The following PLEKHM3 variants were observed in gnomAD, a reference collection of about 807,000 sequenced individuals.
The protein encoded by PLEKHM3 is pleckstrin homology domain containing M3.
In PLEKHM3, 45 loss-of-function variants were observed where a neutral mutation model predicts 81.8. The observed-to-expected ratio is 0.55, with a 90% CI of 0.43 to 0.71. The LOEUF is 0.71. Among genes scored for constraint, PLEKHM3 ranks in the 30% least tolerant of loss-of-function variants. PLEKHM3 has a pLI of 0.00. For missense variants in PLEKHM3, 788 were observed against 924.3 expected, an observed-to-expected ratio of 0.85 and a Z score of 1.91; for synonymous variants, 352 against 356.4, an observed-to-expected ratio of 0.99 and a Z score of 0.14.
intron 4 of PLEKHM3, among the ~76,000 whole-genome samples, chr2:207,940,992 A>T (rs904353027): frequency 1.3e-5 from 2 of 152,190 alleles, no homozygotes; most frequent in African/African-American, 2.4e-5. Context: ...GAAGTAGGAG[A>T]CAAGGTCATA....
intron 2 of PLEKHM3, among the ~76,000 whole-genome samples, chr2:207,999,266 A>G (rs1189759627): frequency 6.6e-6 from 1 of 150,786 alleles, no homozygotes; most frequent in Non-Finnish European, 1.5e-5. Flanking sequence ...ATGAGCCACC[A>G]TGCCCAGCCA....
chr2:208,020,274 T>C (rs988702897), intron 1 of PLEKHM3, among the ~76,000 whole-genome samples: 1 of 152,340 alleles, frequency 6.6e-6, no homozygotes, highest in Non-Finnish European at 1.5e-5. Flanking sequence ...AAATGTGGCA[T>C]ATAATTGAAG....
chr2:207,924,485 G>C (rs1454709675), intron 5 of PLEKHM3, among the ~76,000 whole-genome samples: 1 of 151,818 alleles, frequency 6.6e-6, no homozygotes, highest in Non-Finnish European at 1.5e-5. Flanking sequence ...AGGAGTTCAA[G>C]ACCAGCCTGG....
At chr2:207,948,402 C>T (rs910502361) in intron 3 of PLEKHM3, among the ~76,000 whole-genome samples, 1 of 129,822 alleles carries the variant, frequency 7.7e-6, no homozygotes, top group Non-Finnish European at 1.6e-5. Flanking sequence ...GTTGTCCAAG[C>T]TGGAGTGCAG....
chr2:208,001,022 A>G lies in PLEKHM3; in HGVS notation c.610+8T>C. The G allele has an allele frequency of 6.7e-7, 1 of 1,494,730 alleles. No homozygotes were observed. Among genetic ancestry groups the G allele is most frequent in the Non-Finnish European group, 8.9e-7 (1 of 1,124,346 alleles). The allele number at this position is 1,494,730 out of a possible 1,614,324, so 92.6% of individuals were successfully genotyped here. A position where few individuals can be genotyped will look rare whatever the true frequency, so the allele number is the denominator to read the frequency against. ...AAAAAAGGAAATAAATAAAATTTAA[A>G]AACATACCAGTATTTCCTTGAGCAT... On this transcript the variant is annotated splice_region_variant and intron_variant, in intron 2 of 7. Coordinates refer to ENST00000427836, the MANE Select transcript of PLEKHM3 (RefSeq NM_001080475.3).
In PLEKHM3 at chr2:208,012,981, G is replaced by T. The variant is rs541326017; in HGVS notation, c.-318-11024C>A. Among the ~76,000 whole-genome samples the T allele has an allele frequency of 6.6e-5, 10 of 152,292 alleles. No homozygotes were observed. The South Asian group carries it at 2.1e-3, about 32-fold the overall frequency. ...AAAACACAGCTCCTGCTCTTGAAGA[G>T]CTAAATAGCTAGTGGAAAGTAAGAC... On this transcript the variant is annotated intron_variant, in intron 1 of 7. Transcript: ENST00000427836.
chr2:207,954,886 AT>A (rs1690453177), intron 3 of PLEKHM3, among the ~76,000 whole-genome samples: 1 of 152,242 alleles, frequency 6.6e-6, no homozygotes, highest in Admixed American at 6.5e-5. Flanking sequence ...AAGATTATAA[AT>A]CGTGTGAAAT....
chr2:207,848,897 C>T (rs1173539472), intron 7 of PLEKHM3, among the ~76,000 whole-genome samples: 3 of 152,176 alleles, frequency 2.0e-5, no homozygotes. Context: ...TCATGGGAGG[C>T]TGCCTTTTTT....
chr2:207,930,874 G>C (rs1391063837), intron 5 of PLEKHM3, 52 bp downstream of exon 5: 1 of 1,588,564 alleles, frequency 6.3e-7, no homozygotes, highest in Non-Finnish European at 8.6e-7. Flanking sequence ...ACCACCCTCC[G>C]TGGGCGGGAA....
chr2:207,868,104 T>C (rs1051073328), intron 6 of PLEKHM3, among the ~76,000 whole-genome samples: 5 of 152,154 alleles, frequency 3.3e-5, no homozygotes, highest in Admixed American at 2.0e-4. Flanking sequence ...TGTGACTTGC[T>C]AGAGTGACCA....
chr2:207,861,179 G>A lies in PLEKHM3; in HGVS notation c.2034C>T (p.Ser678=). 1 of 1,614,100 alleles carries A rather than the reference G, an allele frequency of 6.2e-7. No homozygotes were observed. The highest frequency in any genetic ancestry group is 8.5e-7 in the Non-Finnish European group (1 of 1,179,984). ...TSHVYSCSLC[S]QKGFICEICN... ...AGATTTCACAGATGAACCCCTTCTGGCTACAAAGACTGCAGCTGTACACGT... is the reference window on the plus strand; with the variant it reads ...AGATTTCACAGATGAACCCCTTCTGACTACAAAGACTGCAGCTGTACACGT... Residue 678 remains serine (S), a synonymous_variant, in exon 7 of 8, where the codon AGC becomes AGT. Transcript: ENST00000427836.
chr2:207,841,810 T>C (rs528258965), intron 7 of PLEKHM3, among the ~76,000 whole-genome samples: 6 of 152,272 alleles, frequency 3.9e-5, no homozygotes, highest in South Asian at 4.1e-4. Context: ...ATTCCCATTA[T>C]ATTGTTTTAC....
chr2:207,980,694 A>G (rs938229729), intron 2 of PLEKHM3, among the ~76,000 whole-genome samples: 1 of 151,938 alleles, frequency 6.6e-6, no homozygotes, highest in African/African-American at 2.4e-5. Context: ...TCAGCCTCCC[A>G]GCCAGCTGAG....
intron 7 of PLEKHM3, among the ~76,000 whole-genome samples, chr2:207,841,480 A>AAATATATATATATATATAT (rs2092353214): frequency 2.7e-5 from 1 of 37,446 alleles, no homozygotes; most frequent in African/African-American, 1.2e-4. Flanking sequence ...AAAAAAAAAA[A>AAATATATATATATATATAT]ATATATATAT....
At chr2:207,988,938 C>G (rs959841750) in intron 2 of PLEKHM3, among the ~76,000 whole-genome samples, 1 of 152,168 alleles carries the variant, frequency 6.6e-6, no homozygotes, top group African/African-American at 2.4e-5. Flanking sequence ...GCTTCTCTCC[C>G]CAGCTCCAAT....
At chr2:207,981,173 T>C (rs1021544213) in intron 2 of PLEKHM3, among the ~76,000 whole-genome samples, 1 of 146,342 alleles carries the variant, frequency 6.8e-6, no homozygotes, top group Non-Finnish European at 1.5e-5. Context: ...AGAAGAAAAA[T>C]AGCAAAGGTG....
chr2:207,947,434 C>T (rs910705416), intron 3 of PLEKHM3, among the ~76,000 whole-genome samples: 11 of 152,184 alleles, frequency 7.2e-5, no homozygotes, highest in African/African-American at 2.4e-4. Context: ...GGAAGCCATT[C>T]GTTTTCTTTA....
At chr2:207,923,828 C>CATATAT (rs1689268167) in intron 5 of PLEKHM3, among the ~76,000 whole-genome samples, 1 of 135,146 alleles carries the variant, frequency 7.4e-6, no homozygotes, top group African/African-American at 2.8e-5. Context: ...GATATATATA[C>CATATAT]ATACATATAC....
chr2:208,008,413 GA>G (rs2106107220), intron 1 of PLEKHM3, among the ~76,000 whole-genome samples: 1 of 131,022 alleles, frequency 7.6e-6, no homozygotes, highest in African/African-American at 2.9e-5. Context: ...TATTTAATTG[GA>G]ATCAAAACTA....
Sources: allele counts gnomAD v4.1 joint callset (sites outside exome capture counted in the v4.1 genomes callset), GRCh38; gene constraint gnomAD v4.1.1; transcripts MANE v1.5; gene names NCBI Gene and HGNC (gene_info 2026-07-23, HGNC 2026-07-21).